The following SULT2B1 variants were observed in gnomAD, a reference collection of about 807,000 sequenced individuals.
The protein encoded by SULT2B1 is sulfotransferase 2B1.
Under a neutral mutation model 33.2 loss-of-function variants are expected in SULT2B1, and 16 were observed. The observed-to-expected ratio is 0.48, with a 90% CI of 0.33 to 0.73. The LOEUF is 0.73. SULT2B1 is among the 30% of genes least tolerant of loss of function. The pLI is 0.02. For missense variants in SULT2B1, 500 were observed against 506.0 expected, an observed-to-expected ratio of 0.99 and a Z score of 0.11; for synonymous variants, 186 against 200.5, an observed-to-expected ratio of 0.93 and a Z score of 0.61.
At chr19:48,584,170 A>G (rs1406683784) in intron 2 of SULT2B1, among the ~76,000 whole-genome samples, 3 of 152,212 alleles carry the variant, frequency 2.0e-5, no homozygotes, top group African/African-American at 7.2e-5. Context: ...CACTTCCTCT[A>G]GGGCTGAAGC....
At chr19:48,577,925 G>C (rs1453456660) in intron 2 of SULT2B1, among the ~76,000 whole-genome samples, 2 of 152,130 alleles carry the variant, frequency 1.3e-5, no homozygotes, top group African/African-American at 4.8e-5. Flanking sequence ...GTGAAGAAAA[G>C]TAGAGGGTAG....
chr19:48,577,943 AT>A (rs1433754095), intron 2 of SULT2B1, among the ~76,000 whole-genome samples: 1 of 152,158 alleles, frequency 6.6e-6, no homozygotes, highest in Non-Finnish European at 1.5e-5. Flanking sequence ...TAGGCGGGGC[AT>A]AGTGGCTCAT....
chr19:48,594,740 C>T (rs1195093021), intron 5 of SULT2B1, among the ~76,000 whole-genome samples: 5 of 152,074 alleles, frequency 3.3e-5, no homozygotes, highest in African/African-American at 9.7e-5. Context: ...TAGTGATGGC[C>T]GGGCATGGTG....
chr19:48,572,783 A>G (rs1451504250), intron 1 of SULT2B1, among the ~76,000 whole-genome samples: 2 of 152,008 alleles, frequency 1.3e-5, no homozygotes, highest in African/African-American at 4.8e-5. Flanking sequence ...GGTGGGCAGG[A>G]ATGCAGGGAC....
intron 1 of SULT2B1, among the ~76,000 whole-genome samples, chr19:48,566,671 G>A (rs1385803165): frequency 2.6e-5 from 4 of 151,998 alleles, no homozygotes; most frequent in East Asian, 1.9e-4. Context: ...GTAAAACCCC[G>A]TTTTTACTAA....
intron 2 of SULT2B1, among the ~76,000 whole-genome samples, chr19:48,586,484 G>A (rs112559604): frequency 8.5e-5 from 13 of 152,270 alleles, no homozygotes; most frequent in African/African-American, 2.9e-4. Context: ...GTCACGTGGC[G>A]TGCGTTTATG....
intron 1 of SULT2B1, among the ~76,000 whole-genome samples, chr19:48,559,226 T>C (rs1413133149): frequency 3.3e-5 from 5 of 152,104 alleles, no homozygotes; most frequent in Admixed American, 3.3e-4. Flanking sequence ...AGGATGCGTT[T>C]TCCTTTCCAC....
At chr19:48,585,811 C>G (rs1973553925) in intron 2 of SULT2B1, among the ~76,000 whole-genome samples, 1 of 152,060 alleles carries the variant, frequency 6.6e-6, no homozygotes, top group Admixed American at 6.6e-5. Context: ...CACATGTACC[C>G]TAAAACTTAA....
chr19:48,558,688 T>C (rs1453421514), intron 1 of SULT2B1, among the ~76,000 whole-genome samples: 3 of 142,764 alleles, frequency 2.1e-5, no homozygotes, highest in South Asian at 2.2e-4. Flanking sequence ...TCTTTTTTTT[T>C]TTTTTTTTTT....
rs1019152114 is a variant in SULT2B1, at chr19:48,576,190, G to A, written c.214+107G>A. ...GGAGGGGAGGAGGAAAAGTGGGGCC[G>A]GGTCTGTTCAGAGCGGTGCCCCTGC... On this transcript the variant is annotated intron_variant, in intron 2 of 6. Transcript: ENST00000201586. 20 of 1,077,008 alleles carry A rather than the reference G, an allele frequency of 1.9e-5. No homozygotes were observed. In the Admixed American group the frequency reaches 3.6e-4, roughly 20 times the overall value. 66.7% of individuals were successfully genotyped at this position (1,077,008 alleles called of 1,614,324 possible).
intron 6 of SULT2B1, among the ~76,000 whole-genome samples, chr19:48,597,594 C>T (rs571285743): frequency 2.0e-5 from 3 of 151,496 alleles, no homozygotes; most frequent in Admixed American, 6.6e-5. Flanking sequence ...CCACCCGCCT[C>T]GGCCTCCCAA....
chr19:48,599,322 C>G lies in SULT2B1; in HGVS notation c.1014C>G (p.Ser338Arg). ...EPKPSLEPNT[S>R]LEREPRPNSS... is the part of the protein sequence containing the mutation. ...AGCCCAGCCTTGAGCCCAACACCAG[C>G]CTGGAGCGTGAGCCCAGACCCAACT... is the stretch of plus-strand genomic sequence containing the variant. The change falls in exon 7 of 7, where the codon AGC (serine) becomes AGG (arginine). Residue 338 changes from serine (S) to arginine (R), a missense_variant. Ser to Arg is a moderately radical substitution (Grantham distance 110). Coordinates refer to ENST00000201586, the MANE Select transcript of SULT2B1 (RefSeq NM_177973.2). This position sits in a 1 kb window ranked among gnomAD's most constrained non-coding sequence, Gnocchi z 4.1. 3.1e-6 allele frequency: 5 copies of G among 1,604,336 alleles called. No individual in the cohort carries two copies. Among genetic ancestry groups the G allele is most frequent in the Non-Finnish European group, 4.3e-6 (5 of 1,175,240 alleles).
At chr19:48,575,920 G>A (rs763446565) in intron 1 of SULT2B1, 21 bp from the exon 2 acceptor site, 3 of 1,603,686 alleles carry the variant, frequency 1.9e-6, no homozygotes, top group South Asian at 1.1e-5. Context: ...CCCTCATGGC[G>A]TCTCCCCCAC....
At chr19:48,591,068 A>G (rs1185695063) in intron 3 of SULT2B1, 1 of 152,284 alleles carries the variant, frequency 6.6e-6, no homozygotes, top group Non-Finnish European at 1.5e-5. Context: ...CCTGGGTTCA[A>G]GTTATCCTCC....
intron 1 of SULT2B1, among the ~76,000 whole-genome samples, chr19:48,573,395 G>C (rs1006641156): frequency 6.6e-6 from 1 of 152,058 alleles, no homozygotes; most frequent in African/African-American, 2.4e-5. Flanking sequence ...GAACAAACAG[G>C]CCTGTTTGTC....
chr19:48,577,133 A>G (rs1348381932), intron 2 of SULT2B1, among the ~76,000 whole-genome samples: 2 of 147,152 alleles, frequency 1.4e-5, no homozygotes, highest in South Asian at 2.1e-4. Flanking sequence ...TCCTGGGTTC[A>G]AGCAATTCTC....
At chr19:48,561,087 C>A (rs139253101) in intron 1 of SULT2B1, among the ~76,000 whole-genome samples, 1 of 151,692 alleles carries the variant, frequency 6.6e-6, no homozygotes, top group African/African-American at 2.4e-5. Context: ...GGGCTGAGAT[C>A]GCACCACTGC....
intron 4 of SULT2B1, 75 bp from the exon 5 acceptor site, chr19:48,592,647 T>C (rs1382697906): frequency 5.8e-5 from 76 of 1,307,198 alleles, no homozygotes; most frequent in Non-Finnish European, 8.2e-5. Context: ...CACAGCTAGT[T>C]AGACCCATGA....
chr19:48,563,613 C>T lies in SULT2B1; in HGVS notation c.71+11290C>T, dbSNP rs539028792. ...CAAGACTGGGCTGATGCAATCTGTA[C>T]GGTGGGGGACGTAGAGGGGTGGCCT... On this transcript the variant is annotated intron_variant, in intron 1 of 6. Transcript: ENST00000201586. Among the ~76,000 whole-genome samples, 180 of 152,134 alleles carry T rather than the reference C, an allele frequency of 1.2e-3. 2 individuals are homozygous for T. Among genetic ancestry groups the T allele is most frequent in the African/African-American group, 1.8e-3 (73 of 41,514 alleles).
Sources: allele counts gnomAD v4.1 joint callset (sites outside exome capture counted in the v4.1 genomes callset), GRCh38; gene constraint gnomAD v4.1.1; non-coding constraint Gnocchi (gnomAD v3.1); transcripts MANE v1.5; gene names NCBI Gene and HGNC (gene_info 2026-07-23, HGNC 2026-07-21).